The following SLC2A9 variants were observed in gnomAD, a reference collection of about 807,000 sequenced individuals.
SLC2A9 encodes the protein solute carrier family 2 member 9.
Under a neutral mutation model 50.6 loss-of-function variants are expected in SLC2A9, and 39 were observed. That is an observed-to-expected ratio of 0.77 (90% CI 0.60 to 1.01). SLC2A9 has a LOEUF of 1.01. Among genes scored for constraint, SLC2A9 ranks in the 50% least tolerant of loss-of-function variants. The pLI, the probability that SLC2A9 is intolerant of heterozygous loss-of-function variation, is 0.00. For missense variants in SLC2A9, 686 were observed against 677.6 expected (o/e 1.01, Z -0.14); for synonymous variants, 324 against 276.9 (o/e 1.17, Z -1.69).
At chr4:10,006,841 G>A (rs1760870533) in intron 2 of SLC2A9, 1 of 151,898 alleles carries the variant, frequency 6.6e-6, no homozygotes, top group Admixed American at 6.5e-5. Context: ...TTCTTTCTGG[G>A]AATCTGGAAT....
intron 10 of SLC2A9, among the ~76,000 whole-genome samples, chr4:9,886,245 T>C (rs1450343143): frequency 1.3e-5 from 2 of 152,312 alleles, no homozygotes; most frequent in Non-Finnish European, 2.9e-5. Flanking sequence ...TCCAGAGCAC[T>C]GATGTGAAGA....
intron 3 of SLC2A9, among the ~76,000 whole-genome samples, chr4:9,807,092 G>C (rs551326645): frequency 4.6e-5 from 7 of 152,218 alleles, no homozygotes; most frequent in African/African-American, 1.7e-4. Context: ...AGATATAGTG[G>C]CCATCCAGCT....
chr4:9,974,561 G>T (rs749229012), intron 5 of SLC2A9, among the ~76,000 whole-genome samples: 3 of 149,146 alleles, frequency 2.0e-5, no homozygotes, highest in Non-Finnish European at 4.5e-5. Context: ...GGAGGTGAAA[G>T]ATTTAAATAA....
intron 10 of SLC2A9, among the ~76,000 whole-genome samples, chr4:9,838,820 A>T (rs1727524318): frequency 6.6e-6 from 1 of 152,080 alleles, no homozygotes; most frequent in Non-Finnish European, 1.5e-5. Flanking sequence ...TTGAAACTGG[A>T]CTCCTCCCTT....
chr4:9,826,875 TCAC>T (rs1725231775), intron 11 of SLC2A9, among the ~76,000 whole-genome samples: 1 of 152,168 alleles, frequency 6.6e-6, no homozygotes, highest in Non-Finnish European at 1.5e-5. Flanking sequence ...AAATTAATCA[TCAC>T]GAAAGCAAAA....
At chr4:9,918,916 G>A (rs1411526909) in intron 7 of SLC2A9, among the ~76,000 whole-genome samples, 2 of 152,200 alleles carry the variant, frequency 1.3e-5, no homozygotes, top group Non-Finnish European at 2.9e-5. Context: ...GGCTTTGGGA[G>A]CAGCTGAGAT....
At chr4:9,942,764 T>C (rs1173273897) in intron 5 of SLC2A9, among the ~76,000 whole-genome samples, 3 of 152,200 alleles carry the variant, frequency 2.0e-5, no homozygotes, top group Non-Finnish European at 2.9e-5. Context: ...CAAGGTAGTA[T>C]TCGTCCTAAC....
At chr4:9,989,584 CA>C (rs1757325091) in intron 3 of SLC2A9, among the ~76,000 whole-genome samples, 1 of 152,062 alleles carries the variant, frequency 6.6e-6, no homozygotes, top group Admixed American at 6.6e-5. Context: ...AACCCTGGTG[CA>C]AACCATGTCC....
intron 9 of SLC2A9, 150 bp downstream of exon 9, chr4:9,890,460 A>T: frequency 1.3e-6 from 1 of 771,918 alleles, no homozygotes; most frequent in Non-Finnish European, 2.2e-6. Flanking sequence ...GACCCTCAGC[A>T]GCTCCAGAGA....
chr4:9,971,573 A>G (rs1253429760), intron 5 of SLC2A9, among the ~76,000 whole-genome samples: 2 of 152,196 alleles, frequency 1.3e-5, no homozygotes, highest in East Asian at 1.9e-4. Context: ...ACACCTTCCA[A>G]TGTAGGACCA....
At chr4:9,969,036 A>C (rs908677027) in intron 5 of SLC2A9, among the ~76,000 whole-genome samples, 1 of 152,194 alleles carries the variant, frequency 6.6e-6, no homozygotes, top group Non-Finnish European at 1.5e-5. Context: ...CCCCAGCATC[A>C]AAATGCTAAA....
intron 3 of SLC2A9, among the ~76,000 whole-genome samples, chr4:9,811,547 C>A (rs1722895043): frequency 6.6e-6 from 1 of 152,148 alleles, no homozygotes; most frequent in Non-Finnish European, 1.5e-5. Context: ...CTAGCCATCC[C>A]AGTTGAGTCC....
chr4:10,030,984 C>T (rs1018933981), intron 1 of SLC2A9, among the ~76,000 whole-genome samples: 54 of 152,304 alleles, frequency 3.5e-4, no homozygotes, highest in Non-Finnish European at 4.4e-4. Flanking sequence ...CCCAGCTGCA[C>T]GCCTCTGCTT....
At chr4:9,811,050 T>C (rs900087144) in intron 3 of SLC2A9, among the ~76,000 whole-genome samples, 2 of 152,222 alleles carry the variant, frequency 1.3e-5, no homozygotes, top group African/African-American at 4.8e-5. Context: ...ATTATTCTAC[T>C]TCTTGCCCTC....
At chr4:9,994,932 T>C (rs1252752973) in intron 3 of SLC2A9, among the ~76,000 whole-genome samples, 8 of 152,032 alleles carry the variant, frequency 5.3e-5, no homozygotes, top group African/African-American at 1.9e-4. Flanking sequence ...GCAGGAGGCT[T>C]AGTGACCATG....
At chr4:9,852,807 G>T (rs1730172923) in intron 10 of SLC2A9, among the ~76,000 whole-genome samples, 1 of 152,198 alleles carries the variant, frequency 6.6e-6, no homozygotes, top group African/African-American at 2.4e-5. Context: ...AATCAAGTCT[G>T]CATAATAACC....
At chr4:9,911,143 T>TATAATA (rs552663101) in intron 7 of SLC2A9, among the ~76,000 whole-genome samples, 1 of 151,538 alleles carries the variant, frequency 6.6e-6, no homozygotes, top group Non-Finnish European at 1.5e-5. Flanking sequence ...GAACTTAAAG[T>TATAATA]ATAATAATAA....
At chr4:9,835,062 C>T in intron 10 of SLC2A9, 54 bp from the exon 11 acceptor site, 1 of 1,611,472 alleles carries the variant, frequency 6.2e-7, no homozygotes, top group Non-Finnish European at 8.5e-7. Flanking sequence ...GGTCATGCCT[C>T]CAGCATCCAT....
At chr4:9,772,730 A>G (rs28523967) in intron 1 of SLC2A9, among the ~76,000 whole-genome samples, 17,906 of 152,228 alleles carry the variant, frequency 0.12, 1,092 homozygotes, top group East Asian at 0.15. Context: ...AACTTGACCA[A>G]TACAGGGACT....
Sources: gnomAD v4.1 joint callset for allele counts (sites outside exome capture counted in the v4.1 genomes callset) on GRCh38, gnomAD v4.1.1 for gene constraint, MANE v1.5 for transcripts, NCBI Gene and HGNC (gene_info 2026-07-23, HGNC 2026-07-21) for gene names.